MARK1: variants seen among roughly 807,000 people sequenced by gnomAD.
MARK1 encodes microtubule affinity regulating kinase 1.
Under a neutral mutation model 96.3 loss-of-function variants are expected in MARK1, and 40 were observed. The ratio of observed to expected loss-of-function variants is 0.42; its 90% CI spans 0.32 to 0.54. The LOEUF is 0.54. MARK1 is among the 20% of genes least tolerant of loss of function. MARK1 has a pLI of 0.16. For missense variants in MARK1, 719 were observed against 984.6 expected (o/e 0.73, Z 3.61); for synonymous variants, 317 against 341.2 (o/e 0.93, Z 0.78).
At chr1:220,577,519 C>T (rs1053290464) in intron 1 of MARK1, among the ~76,000 whole-genome samples, 2 of 152,224 alleles carry the variant, frequency 1.3e-5, no homozygotes, top group Non-Finnish European at 2.9e-5. Flanking sequence ...TGGCATGCAT[C>T]AGAATCACCT....
intron 12 of MARK1, 68 bp downstream of exon 12, chr1:220,635,597 T>C: frequency 6.6e-7 from 1 of 1,519,584 alleles, no homozygotes. Context: ...TTTAAAGCAT[T>C]GTACATTCAC....
At chr1:220,623,663 G>T (rs1667164233) in intron 9 of MARK1, among the ~76,000 whole-genome samples, 1 of 152,062 alleles carries the variant, frequency 6.6e-6, no homozygotes, top group South Asian at 2.1e-4. Flanking sequence ...TACTTTTTCT[G>T]ACTCAGCCTA....
chr1:220,607,157 T>G (rs1013770063), intron 6 of MARK1, among the ~76,000 whole-genome samples: 2 of 152,238 alleles, frequency 1.3e-5, no homozygotes, highest in African/African-American at 4.8e-5. Context: ...TCCGTGAGCA[T>G]GGAATATTCT....
chr1:220,586,003 A>ACGCGCG (rs1384527636), intron 3 of MARK1, among the ~76,000 whole-genome samples: 63 of 41,866 alleles, frequency 1.5e-3, no homozygotes, highest in African/African-American at 2.8e-3. Context: ...ACACACACAC[A>ACGCGCG]CACACACACG....
chr1:220,545,165 C>A (rs75021091), intron 1 of MARK1, among the ~76,000 whole-genome samples: 1 of 152,172 alleles, frequency 6.6e-6, no homozygotes, highest in Non-Finnish European at 1.5e-5. Context: ...CGAGGGCATT[C>A]GGGGTGGAAG....
chr1:220,531,567 A>G (rs1029581922), intron 1 of MARK1, among the ~76,000 whole-genome samples: 2 of 152,170 alleles, frequency 1.3e-5, no homozygotes, highest in Admixed American at 6.5e-5. Flanking sequence ...AGTGTCACTA[A>G]TATATATTCA....
rs1318475712 is a variant in MARK1, at chr1:220,627,069, C to T, written c.910-3966C>T. 11 of 539,054 alleles carry T rather than the reference C, an allele frequency of 2.0e-5. 1 individual carries two copies. Among genetic ancestry groups the T allele is most frequent in the East Asian group, 1.5e-4 (3 of 19,792 alleles). The allele number at this position is 539,054 out of a possible 1,614,324, so 33.4% of individuals were successfully genotyped here. A position where few individuals can be genotyped will look rare whatever the true frequency, so the allele number is the denominator to read the frequency against. On this transcript the variant is annotated intron_variant, in intron 9 of 17. Transcript: ENST00000366917. ...CCTTCCAGTATGACTAACCAGAACA[C>T]GAATGGTACTTGGAGAAGATAAACA...
rs751285010 is a variant in MARK1, at chr1:220,661,792, C to T, written c.2034-20C>T. On this transcript the variant is annotated intron_variant, in intron 17 of 17. Coordinates refer to ENST00000366917, the MANE Select transcript of MARK1 (RefSeq NM_018650.5). ...GTGAAATATTTGCTTTCATTCTTTC[C>T]CTTTGCCCTCTTGTTCCAGAAGTAC... 2.8e-5 allele frequency: 44 copies of T among 1,546,210 alleles called. No homozygotes were observed. The highest frequency in any genetic ancestry group is 1.7e-4 in the Middle Eastern group (1 of 5,862).
intron 1 of MARK1, among the ~76,000 whole-genome samples, chr1:220,545,156 G>A (rs1484250766): frequency 1.3e-5 from 2 of 152,198 alleles, no homozygotes; most frequent in African/African-American, 2.4e-5. Flanking sequence ...GTGGGAAGAC[G>A]AGGGCATTCG....
In MARK1 at chr1:220,598,182, G is replaced by A. The variant is rs1448543912; in HGVS notation, c.310-149G>A. On this transcript the variant is annotated intron_variant, in intron 3 of 17. Transcript: ENST00000366917. ...TAACATAGCTTGTTTGTACAGAGTT[G>A]GGACTGAGAAAATATCTTGTTTCAA... The A allele has an allele frequency of 1.1e-5, 4 of 349,384 alleles. No individual in the cohort carries two copies. In the Admixed American group the frequency reaches 1.2e-4, roughly 11 times the overall value. 21.6% of individuals were successfully genotyped at this position (349,384 alleles called of 1,614,324 possible). A position where few individuals can be genotyped will look rare whatever the true frequency, so the allele number is the denominator to read the frequency against.
chr1:220,556,536 C>A (rs1374518835), intron 1 of MARK1, among the ~76,000 whole-genome samples: 1 of 144,000 alleles, frequency 6.9e-6, no homozygotes, highest in Admixed American at 6.9e-5. Context: ...GGAAACTAAC[C>A]ACTTGTGGAG....
At chr1:220,636,383 C>A (rs2103017816) in intron 13 of MARK1, among the ~76,000 whole-genome samples, 1 of 152,070 alleles carries the variant, frequency 6.6e-6, no homozygotes, top group East Asian at 1.9e-4. Context: ...ATAAAGTTGC[C>A]TCACATTATT....
chr1:220,571,356 G>A (rs1003858608), intron 1 of MARK1, among the ~76,000 whole-genome samples: 6 of 152,174 alleles, frequency 3.9e-5, no homozygotes, highest in African/African-American at 1.4e-4. Flanking sequence ...TAAGTATTAT[G>A]TAAAAGAATG....
intron 13 of MARK1, among the ~76,000 whole-genome samples, chr1:220,644,460 C>CA: frequency 3.8e-5 from 3 of 78,390 alleles, no homozygotes; most frequent in Non-Finnish European, 8.2e-5. Flanking sequence ...CCCCCCCCCC[C>CA]CCACACACAC....
chr1:220,570,661 G>T (rs1290735252), intron 1 of MARK1, among the ~76,000 whole-genome samples: 1 of 152,070 alleles, frequency 6.6e-6, no homozygotes. Context: ...TATGTTATTG[G>T]TGATATCAGC....
chr1:220,600,052 G>A (rs1665638534), intron 5 of MARK1, among the ~76,000 whole-genome samples, 189 bp downstream of exon 5: 1 of 151,952 alleles, frequency 6.6e-6, no homozygotes, highest in Admixed American at 6.6e-5. Flanking sequence ...CATTATAAAT[G>A]GAATTTTTGG....
chr1:220,598,466 C>T (rs1055638685), intron 4 of MARK1, 87 bp downstream of exon 4: 4 of 205,410 alleles, frequency 1.9e-5, no homozygotes, highest in African/African-American at 7.3e-5. Context: ...TGAAAAGACA[C>T]AATGTTTAAG....
intron 2 of MARK1, among the ~76,000 whole-genome samples, chr1:220,579,974 T>C (rs1252849895): frequency 1.3e-5 from 2 of 152,140 alleles, no homozygotes; most frequent in African/African-American, 4.8e-5. Context: ...AGTACTTCTA[T>C]ATGGGTGGTT....
At chr1:220,535,154 G>A (rs2786610) in intron 1 of MARK1, among the ~76,000 whole-genome samples, 37,784 of 151,990 alleles carry the variant, frequency 0.25, 5,567 homozygotes, top group East Asian at 0.46. Context: ...CATAGCAGCT[G>A]CAGCATTTTA....
Sources: gnomAD v4.1 joint callset for allele counts (sites outside exome capture counted in the v4.1 genomes callset) on GRCh38, gnomAD v4.1.1 for gene constraint, MANE v1.5 for transcripts, NCBI Gene and HGNC (gene_info 2026-07-23, HGNC 2026-07-21) for gene names.